SMG6: variants seen among roughly 807,000 people sequenced by gnomAD.
The protein encoded by SMG6 is telomerase-binding protein EST1A.
Under a neutral mutation model 142.2 loss-of-function variants are expected in SMG6, and 66 were observed. That is an observed-to-expected ratio of 0.46 (90% CI 0.38 to 0.57). The LOEUF is 0.57. SMG6 is among the 20% of genes least tolerant of loss of function. The probability of loss-of-function intolerance (pLI) is 0.00; values close to 1 mark genes in which losing one functional copy is unlikely to be tolerated. For missense variants in SMG6, 1,793 were observed against 1,832.0 expected, an observed-to-expected ratio of 0.98 and a Z score of 0.39; for synonymous variants, 779 against 702.4, an observed-to-expected ratio of 1.11 and a Z score of -1.72.
intron 13 of SMG6, among the ~76,000 whole-genome samples, chr17:2,112,466 C>T (rs920487817): frequency 4.0e-5 from 6 of 150,824 alleles, no homozygotes; most frequent in Admixed American, 4.0e-4. Context: ...CGAGATCGTG[C>T]CACTGCACTC....
intron 15 of SMG6, among the ~76,000 whole-genome samples, chr17:2,081,425 T>C (rs1385743255): frequency 6.6e-6 from 1 of 152,156 alleles, no homozygotes; most frequent in Non-Finnish European, 1.5e-5. Context: ...ATCCTCTCCC[T>C]GGGAACAGGC....
chr17:2,061,446 C>T lies in SMG6; in HGVS notation c.*46G>A. On this transcript the variant is annotated 3_prime_UTR_variant, in exon 19 of 19. Coordinates refer to ENST00000263073, the MANE Select transcript of SMG6 (RefSeq NM_017575.5). ...CCGTGCTACACTGGGCGCCTGGTGGCCTTTCAGGAACGGTTCCACGGGGGG... is the reference window on the plus strand; with the variant it reads ...CCGTGCTACACTGGGCGCCTGGTGGTCTTTCAGGAACGGTTCCACGGGGGG... The T allele has an allele frequency of 6.6e-7, 1 of 1,524,948 alleles. No homozygotes were observed. Among genetic ancestry groups the T allele is most frequent in the East Asian group, 2.5e-5 (1 of 40,652 alleles). The allele number at this position is 1,524,948 out of a possible 1,614,324, so 94.5% of individuals were successfully genotyped here.
intron 8 of SMG6, among the ~76,000 whole-genome samples, chr17:2,264,465 T>C (rs1567729540): frequency 2.6e-5 from 4 of 152,354 alleles, no homozygotes; most frequent in South Asian, 4.1e-4. Flanking sequence ...CATCTGGATA[T>C]TAAGGCCAAA....
chr17:2,245,040 G>T, intron 8 of SMG6: 1 of 284,342 alleles, frequency 3.5e-6, no homozygotes, highest in African/African-American at 2.1e-5. Context: ...TGAGGATCTA[G>T]GAGCCACTCC....
At chr17:2,186,519 A>G in intron 12 of SMG6, 144 bp downstream of exon 12, 2 of 859,922 alleles carry the variant, frequency 2.3e-6, no homozygotes, top group Non-Finnish European at 3.6e-6. Flanking sequence ...TAGGGAAGGT[A>G]TTCAAAAAAA....
Position 2,142,701 on chromosome 17 carries a change from T to C in SMG6, c.3357+29957A>G, listed in dbSNP as rs565450840. ...GAGTTCGAGACCAGCCTGACCAACATGGAGAAACCCCGTCTCTACTAAAAA... is the reference window on the plus strand; with the variant it reads ...GAGTTCGAGACCAGCCTGACCAACACGGAGAAACCCCGTCTCTACTAAAAA... On this transcript the variant is annotated intron_variant, in intron 13 of 18. Coordinates refer to ENST00000263073, the MANE Select transcript of SMG6 (RefSeq NM_017575.5). 2.5e-3 allele frequency among the ~76,000 whole-genome samples: 372 copies of C among 151,212 alleles called. 1 individual carries two copies. The highest frequency in any genetic ancestry group is 8.3e-3 in the African/African-American group (341 of 41,174).
chr17:2,228,208 C>G (rs1039164874), intron 10 of SMG6, among the ~76,000 whole-genome samples: 22 of 152,158 alleles, frequency 1.4e-4, no homozygotes, highest in African/African-American at 5.1e-4. Flanking sequence ...GGATTACAGG[C>G]ATATGCCACT....
At chr17:2,248,926 AC>A (rs1361717354) in intron 8 of SMG6, among the ~76,000 whole-genome samples, 4 of 151,208 alleles carry the variant, frequency 2.6e-5, no homozygotes, top group African/African-American at 7.3e-5. Flanking sequence ...TTGCTCTTTC[AC>A]CCAGGCTGGA....
At chr17:2,210,705 A>G (rs1040788003) in intron 10 of SMG6, among the ~76,000 whole-genome samples, 2 of 151,880 alleles carry the variant, frequency 1.3e-5, no homozygotes, top group Non-Finnish European at 2.9e-5. Context: ...ACCGAGAGAA[A>G]ACAGATACAG....
At chr17:2,297,132 G>GT in intron 4 of SMG6, 111 bp downstream of exon 4, 1 of 712,968 alleles carries the variant, frequency 1.4e-6, no homozygotes, top group Admixed American at 2.5e-5. Flanking sequence ...GCACTGAACT[G>GT]TATCATTATT....
Position 2,068,804 on chromosome 17 carries a change from T to G in SMG6, c.3809A>C (p.Lys1270Thr). 1 of 1,614,196 alleles carries G rather than the reference T, an allele frequency of 6.2e-7. No homozygotes were observed. The highest frequency in any genetic ancestry group is 8.5e-7 in the Non-Finnish European group (1 of 1,180,008). Residue 1270 changes from lysine to threonine, a missense_variant, in exon 16 of 19, where the codon AAG becomes ACG. Transcript: ENST00000263073. The surrounding 1 kb of genome is among the most constrained non-coding windows in gnomAD (Gnocchi z 6.7). The stretch of plus-strand genomic sequence containing the variant: ...GATGAGGGGCACCACCAGGATGTAC[T>G]TCCTGCTCTCCAGCAGCCGCGCCAG... Reference protein sequence around the residue: ...ASLARLLESRKYILVVPLIVI... With the variant: ...ASLARLLESRTYILVVPLIVI...
At chr17:2,227,986 C>T (rs761598031) in intron 10 of SMG6, among the ~76,000 whole-genome samples, 11 of 152,078 alleles carry the variant, frequency 7.2e-5, no homozygotes, top group Non-Finnish European at 1.3e-4. Flanking sequence ...ATAAAATAAA[C>T]CAGGGAGAAA....
At chr17:2,107,315 C>G (rs1432588257) in intron 13 of SMG6, among the ~76,000 whole-genome samples, 1 of 152,138 alleles carries the variant, frequency 6.6e-6, no homozygotes, top group East Asian at 1.9e-4. Flanking sequence ...ATCCCAAACA[C>G]AAATGGGGAC....
intron 10 of SMG6, among the ~76,000 whole-genome samples, chr17:2,209,417 T>G (rs1027793197): frequency 2.6e-5 from 4 of 152,068 alleles, no homozygotes; most frequent in Non-Finnish European, 1.5e-5. Flanking sequence ...CAGGCCAGAG[T>G]GCAGTAGCAC....
chr17:2,102,528 A>ATTTTT (rs374584197), intron 13 of SMG6, among the ~76,000 whole-genome samples: 1 of 81,614 alleles, frequency 1.2e-5, no homozygotes, highest in Admixed American at 1.4e-4. Context: ...TGCTAATTTC[A>ATTTTT]TTTTTTTTTT....
chr17:2,147,554 T>G (rs892183810), intron 13 of SMG6, among the ~76,000 whole-genome samples: 7 of 151,878 alleles, frequency 4.6e-5, no homozygotes, highest in African/African-American at 1.7e-4. Flanking sequence ...CTGGGCAACA[T>G]AATGAGACCT....
At chr17:2,293,036 AGGACAG>A (rs1214543893) in intron 4 of SMG6, 59 bp from the exon 5 acceptor site, 18 of 1,181,068 alleles carry the variant, frequency 1.5e-5, no homozygotes, top group Non-Finnish European at 2.3e-5. Flanking sequence ...CAACCCTCAA[AGGACAG>A]GGATGGGGTG....
rs1366246180 is a variant in SMG6, at chr17:2,121,595, G to C, written c.3358-35694C>G. On this transcript the variant is annotated intron_variant, in intron 13 of 18. Transcript: ENST00000263073. ...TATATGTACATGTCTGTCTGTGTGT[G>C]TGTGTGTGTGTGTGTGTGTGTGTGT... Among the ~76,000 whole-genome samples, 17 of 1,774 alleles carry C rather than the reference G, an allele frequency of 9.6e-3. No homozygotes were observed. In the East Asian group the frequency reaches 0.1, roughly 11 times the overall value. The allele number at this position is 1,774 out of a possible 152,430, so 1.2% of individuals were successfully genotyped here. A position where few individuals can be genotyped will look rare whatever the true frequency, so the allele number is the denominator to read the frequency against.
chr17:2,303,294 C>T (rs1046013382), intron 1 of SMG6: 1 of 1,105,044 alleles, frequency 9.0e-7, no homozygotes, highest in Middle Eastern at 3.9e-4. Context: ...GGGGCCTCCA[C>T]CAGACCCCAC....
Sources: gnomAD v4.1 joint callset for allele counts (sites outside exome capture counted in the v4.1 genomes callset) on GRCh38, gnomAD v4.1.1 for gene constraint, Gnocchi (gnomAD v3.1) non-coding constraint, MANE v1.5 for transcripts, NCBI Gene and HGNC (gene_info 2026-07-23, HGNC 2026-07-21) for gene names.